Variants in DSCAM observed in about 807,000 individuals in gnomAD.
The protein encoded by DSCAM is DS cell adhesion molecule, also known as cell adhesion molecule DSCAM.
A neutral mutation model predicts 217.7 loss-of-function variants in DSCAM; 47 were observed. That is an observed-to-expected ratio of 0.22 (90% CI 0.17 to 0.28). DSCAM has a LOEUF of 0.28. Ranked by LOEUF, DSCAM falls within the 10% of genes least tolerant of loss-of-function variation. The pLI is 1.00. For synonymous variants in DSCAM, 1,056 were observed against 1,015.3 expected, an observed-to-expected ratio of 1.04 and a Z score of -0.76; for missense variants, 2,080 against 2,618.3, an observed-to-expected ratio of 0.79 and a Z score of 4.49.
intron 3 of DSCAM, among the ~76,000 whole-genome samples, chr21:40,370,287 C>T (rs1012361021): frequency 1.3e-5 from 2 of 151,282 alleles, no homozygotes; most frequent in African/African-American, 4.9e-5. Context: ...CTGAGAGTGC[C>T]TCATTGCACC....
chr21:40,257,729 G>A (rs893855225), intron 11 of DSCAM, among the ~76,000 whole-genome samples: 1 of 151,966 alleles, frequency 6.6e-6, no homozygotes, highest in Admixed American at 6.6e-5. Flanking sequence ...AGACAACTCA[G>A]GACTTCCAAA....
chr21:40,764,709 A>G (rs1601230838), intron 1 of DSCAM, among the ~76,000 whole-genome samples: 1 of 152,354 alleles, frequency 6.6e-6, no homozygotes, highest in East Asian at 1.9e-4. Context: ...CCAAATACCC[A>G]TCAATGATAG....
intron 3 of DSCAM, among the ~76,000 whole-genome samples, chr21:40,560,165 T>C (rs898335747): frequency 6.6e-6 from 1 of 152,118 alleles, no homozygotes; most frequent in African/African-American, 2.4e-5. Context: ...CACTAAAATG[T>C]GAAGATGTAG....
intron 3 of DSCAM, among the ~76,000 whole-genome samples, chr21:40,640,729 T>C (rs964522091): frequency 1.3e-5 from 2 of 152,016 alleles, no homozygotes; most frequent in African/African-American, 4.8e-5. Flanking sequence ...CAATCTGCCG[T>C]TAGTAATTTG....
intron 3 of DSCAM, among the ~76,000 whole-genome samples, chr21:40,550,095 C>T (rs958758927): frequency 6.6e-5 from 10 of 152,210 alleles, no homozygotes; most frequent in African/African-American, 2.4e-4. Flanking sequence ...TCCGATATCA[C>T]CCAGCTAGTC....
chr21:40,643,360 G>A (rs1004311839), intron 3 of DSCAM, among the ~76,000 whole-genome samples: 1 of 152,168 alleles, frequency 6.6e-6, no homozygotes, highest in African/African-American at 2.4e-5. Flanking sequence ...CAGAAATTTT[G>A]CAAACATCAG....
At chr21:40,138,213 T>C (rs1311795273) in intron 18 of DSCAM, among the ~76,000 whole-genome samples, 1 of 151,788 alleles carries the variant, frequency 6.6e-6, no homozygotes, top group African/African-American at 2.4e-5. Context: ...AGTAACAATA[T>C]TTGCCCCTCT....
intron 3 of DSCAM, among the ~76,000 whole-genome samples, chr21:40,571,667 G>T (rs1248635043): frequency 6.6e-6 from 1 of 152,164 alleles, no homozygotes; most frequent in Non-Finnish European, 1.5e-5. Context: ...ATACATGTGT[G>T]TTTGTTTGTA....
At chr21:40,446,649 G>A (rs1176321095) in intron 3 of DSCAM, among the ~76,000 whole-genome samples, 4 of 152,212 alleles carry the variant, frequency 2.6e-5, no homozygotes, top group African/African-American at 9.7e-5. Context: ...CTCTGGCCAA[G>A]TCTCAAAGTG....
At chr21:40,641,806 C>A (rs974013962) in intron 3 of DSCAM, among the ~76,000 whole-genome samples, 2 of 152,052 alleles carry the variant, frequency 1.3e-5, no homozygotes, top group Admixed American at 6.6e-5. Context: ...CCCAGCACTA[C>A]GGGGAGGCCG....
At chr21:40,721,599 A>G (rs2090901752) in intron 1 of DSCAM, among the ~76,000 whole-genome samples, 1 of 152,170 alleles carries the variant, frequency 6.6e-6, no homozygotes, top group Non-Finnish European at 1.5e-5. Context: ...ATGAACCAGA[A>G]AACAGAGCAA....
At position 40,499,863 on chromosome 21, in the gene DSCAM, C is replaced by T. The variant is rs144295436; in HGVS notation, c.509-130618G>A. Among the ~76,000 whole-genome samples, 6 of 152,240 alleles carry T rather than the reference C, an allele frequency of 3.9e-5. No individual in the cohort carries two copies. In the East Asian group the frequency reaches 1.2e-3, roughly 29 times the overall value. ...TGATGCGATCTCGGCTCACTGCAAT[C>T]TTTGCCTCCTGGGTTCAAGTGATTC... On this transcript the variant is annotated intron_variant, in intron 3 of 32. Transcript: ENST00000400454.
At chr21:40,273,596 T>C (rs982730201) in intron 11 of DSCAM, among the ~76,000 whole-genome samples, 7 of 152,218 alleles carry the variant, frequency 4.6e-5, no homozygotes, top group African/African-American at 1.7e-4. Context: ...GGCCCTTGTG[T>C]CTTTAAGACC....
At chr21:40,026,292 G>T (rs112151266) in intron 32 of DSCAM, among the ~76,000 whole-genome samples, 1 of 140,268 alleles carries the variant, frequency 7.1e-6, no homozygotes, top group East Asian at 2.0e-4. Context: ...TTACTTCCAA[G>T]TATGTGGTCA....
intron 11 of DSCAM, among the ~76,000 whole-genome samples, chr21:40,215,339 C>T (rs1441896700): frequency 7.3e-6 from 1 of 136,346 alleles, no homozygotes; most frequent in Non-Finnish European, 1.6e-5. Context: ...ACAACTTACC[C>T]ATGTAAAAAA....
intron 1 of DSCAM, among the ~76,000 whole-genome samples, chr21:40,797,446 C>T (rs1387383069): frequency 6.6e-6 from 1 of 152,162 alleles, no homozygotes; most frequent in Non-Finnish European, 1.5e-5. Context: ...GTAGGTGGAA[C>T]AACCACTTGT....
chr21:40,589,482 A>G (rs1220619684), intron 3 of DSCAM, among the ~76,000 whole-genome samples: 3 of 152,146 alleles, frequency 2.0e-5, no homozygotes, highest in Non-Finnish European at 2.9e-5. Context: ...AGGCTGAAGC[A>G]GGAGAATTGC....
intron 1 of DSCAM, among the ~76,000 whole-genome samples, chr21:40,818,466 A>G (rs973940733): frequency 7.7e-5 from 11 of 143,036 alleles, no homozygotes; most frequent in African/African-American, 2.8e-4. Flanking sequence ...GAATGGCCTG[A>G]ACCCGGGAGG....
chr21:40,405,097 G>C (rs994573305), intron 3 of DSCAM, among the ~76,000 whole-genome samples: 1 of 152,174 alleles, frequency 6.6e-6, no homozygotes, highest in Non-Finnish European at 1.5e-5. Flanking sequence ...AGGTGAATGG[G>C]ACATAGCCCA....
Sources: allele counts gnomAD v4.1 joint callset (sites outside exome capture counted in the v4.1 genomes callset), GRCh38; gene constraint gnomAD v4.1.1; transcripts MANE v1.5; gene names NCBI Gene and HGNC (gene_info 2026-07-23, HGNC 2026-07-21).